The following OLAH variants were observed in gnomAD, a reference collection of about 807,000 sequenced individuals.
OLAH encodes oleoyl-ACP hydrolase.
Under a neutral mutation model 27.8 loss-of-function variants are expected in OLAH, and 33 were observed. The observed-to-expected ratio is 1.19, with a 90% CI of 0.90 to 1.59. The LOEUF is 1.59. OLAH is among the 40% of genes most tolerant of loss of function. The pLI is 0.00. For synonymous variants in OLAH, 120 were observed against 102.9 expected (o/e 1.17, Z -1.01); for missense variants, 359 against 310.8 (o/e 1.16, Z -1.17).
chr10:15,033,646 C>T (rs1279138568), intron 1 of OLAH, among the ~76,000 whole-genome samples: 1 of 152,094 alleles, frequency 6.6e-6, no homozygotes, highest in Non-Finnish European at 1.5e-5. Context: ...CTGGGAAGTC[C>T]AGTATGAAGG....
At chr10:15,049,478 T>C (rs557380236) in intron 2 of OLAH, among the ~76,000 whole-genome samples, 157 bp from the exon 3 acceptor site, 2 of 152,264 alleles carry the variant, frequency 1.3e-5, no homozygotes, top group African/African-American at 4.8e-5. Flanking sequence ...TGTAAAAATC[T>C]TTTTTGCCCT....
chr10:15,056,733 T>G (rs192551298), intron 3 of OLAH: 1 of 1,243,778 alleles, frequency 8.0e-7, no homozygotes, highest in African/African-American at 1.6e-5. Context: ...CAGCCTCAAG[T>G]GATCCTCCCA....
At chr10:15,039,590 A>G (rs1293958586), upstream of OLAH, among the ~76,000 whole-genome samples, 1 of 152,128 alleles carries the variant, frequency 6.6e-6, no homozygotes, top group African/African-American at 2.4e-5. Flanking sequence ...AAAAAAAGAG[A>G]AGATTGCATT....
intron 1 of OLAH, among the ~76,000 whole-genome samples, chr10:15,034,014 G>C (rs1430115446): frequency 6.6e-6 from 1 of 151,748 alleles, no homozygotes; most frequent in Admixed American, 6.6e-5. Flanking sequence ...TTTAGCAAAA[G>C]AATCAGCTCT....
chr10:15,057,215 T>A (rs1048647901), intron 3 of OLAH, among the ~76,000 whole-genome samples: 1 of 152,192 alleles, frequency 6.6e-6, no homozygotes, highest in Admixed American at 6.6e-5. Flanking sequence ...AAGTATTTTG[T>A]CATATTTGAG....
intron 1 of OLAH, among the ~76,000 whole-genome samples, chr10:15,046,188 A>G (rs2131339253): frequency 6.6e-6 from 1 of 152,114 alleles, no homozygotes; most frequent in Non-Finnish European, 1.5e-5. Context: ...TTTACTAAAA[A>G]TACAAAAGTT....
At chr10:15,039,095 G>A (rs896372644), upstream of OLAH, among the ~76,000 whole-genome samples, 2 of 151,972 alleles carry the variant, frequency 1.3e-5, no homozygotes, top group Non-Finnish European at 2.9e-5. Context: ...GTGTGGTGGT[G>A]TGCACCTCTA....
chr10:15,045,274 T>G (rs1843993429), intron 1 of OLAH, among the ~76,000 whole-genome samples: 1 of 152,242 alleles, frequency 6.6e-6, no homozygotes, highest in South Asian at 2.1e-4. Context: ...AAGGTTTTTA[T>G]GTACTTCAAT....
rs1589256720 is a variant in OLAH, at chr10:15,073,200, C to G, written c.769C>G (p.Leu257Val). The change falls in exon 8 of 8, where the codon CTA becomes GTA. Residue 257 changes from leucine (L) to valine (V), a missense_variant. Leu to Val is a conservative substitution (Grantham distance 32). Transcript: ENST00000378228. ...KLIKNYIIKCLEVSSISNF is the reference protein window; with the variant it reads ...KLIKNYIIKCVEVSSISNF ...AATCAAGAACTACATAATCAAGTGTCTAGAAGTATCATCGATATCCAATTT... is the reference window on the plus strand; with the variant it reads ...AATCAAGAACTACATAATCAAGTGTGTAGAAGTATCATCGATATCCAATTT... 6.2e-7 allele frequency: 1 copy of G among 1,600,048 alleles called. No individual in the cohort carries two copies.
chr10:15,042,525 T>C (rs1365545209), upstream of OLAH, among the ~76,000 whole-genome samples: 1 of 152,168 alleles, frequency 6.6e-6, no homozygotes, highest in Admixed American at 6.6e-5. Context: ...CAAACATTTA[T>C]CCTTTGTGTT....
intron 1 of OLAH, 144 bp downstream of exon 1, chr10:15,044,130 T>C (rs1843971059): frequency 1.3e-5 from 2 of 152,232 alleles, no homozygotes; most frequent in African/African-American, 4.8e-5. Flanking sequence ...AGTCTGTTTA[T>C]ATATAATATA....
intron 1 of OLAH, among the ~76,000 whole-genome samples, chr10:15,035,295 T>C (rs1264526514): frequency 6.6e-6 from 1 of 152,210 alleles, no homozygotes; most frequent in African/African-American, 2.4e-5. Flanking sequence ...TCGGCTGTTC[T>C]TGCTTTGCTA....
chr10:15,037,447 G>A (rs568314984), intron 1 of OLAH, among the ~76,000 whole-genome samples: 3 of 152,150 alleles, frequency 2.0e-5, no homozygotes, highest in Admixed American at 2.0e-4. Context: ...CAGGCATGGT[G>A]GCGAGCGCCT....
chr10:15,043,704 G>A (rs1351933227), upstream of OLAH, among the ~76,000 whole-genome samples: 1 of 152,010 alleles, frequency 6.6e-6, no homozygotes, highest in Non-Finnish European at 1.5e-5. Context: ...TAGACCTCAG[G>A]TGATCCGCCC....
chr10:15,044,524 G>C (rs1167635352), intron 1 of OLAH, among the ~76,000 whole-genome samples: 2 of 151,156 alleles, frequency 1.3e-5, no homozygotes, highest in African/African-American at 4.9e-5. Context: ...GTGCAATCTC[G>C]GCTCACTACT....
intron 1 of OLAH, among the ~76,000 whole-genome samples, chr10:15,036,094 C>A (rs1317734983): frequency 1.3e-5 from 2 of 152,078 alleles, no homozygotes; most frequent in Non-Finnish European, 2.9e-5. Context: ...AGGTCCTGGC[C>A]CAGACGCTGA....
At chr10:15,032,619 T>C (rs899044590) in intron 1 of OLAH, among the ~76,000 whole-genome samples, 8 of 97,372 alleles carry the variant, frequency 8.2e-5, no homozygotes, top group African/African-American at 2.7e-4. Context: ...AGACTCAGTT[T>C]CAAAAAAAAA....
intron 6 of OLAH, among the ~76,000 whole-genome samples, chr10:15,070,996 C>G (rs183670916): frequency 4.8e-4 from 73 of 152,070 alleles, no homozygotes; most frequent in Non-Finnish European, 9.1e-4. Context: ...GTTGCCCAGG[C>G]TGGTCTCAAA....
intron 3 of OLAH, among the ~76,000 whole-genome samples, chr10:15,059,592 G>GTTTGAGACCA (rs1219516063): frequency 1.3e-5 from 2 of 152,124 alleles, no homozygotes; most frequent in Non-Finnish European, 2.9e-5. Context: ...GATCACTTGA[G>GTTTGAGACCA]GTCAGGAGTT....
Sources: allele counts gnomAD v4.1 joint callset (sites outside exome capture counted in the v4.1 genomes callset), GRCh38; gene constraint gnomAD v4.1.1; transcripts MANE v1.5; gene names NCBI Gene and HGNC (gene_info 2026-07-23, HGNC 2026-07-21).